Variants in ADGRL3 observed in about 807,000 individuals in gnomAD.
ADGRL3 encodes the protein calcium-independent alpha-latrotoxin receptor 3.
A neutral mutation model predicts 153.5 loss-of-function variants in ADGRL3; 62 were observed. That is an observed-to-expected ratio of 0.40 (90% confidence interval 0.33 to 0.50). ADGRL3 has a LOEUF of 0.50. Among genes scored for constraint, ADGRL3 ranks in the 20% least tolerant of loss-of-function variants. The probability of loss-of-function intolerance (pLI) is 0.47; values close to 1 mark genes in which losing one functional copy is unlikely to be tolerated. For synonymous variants in ADGRL3, 710 were observed against 672.5 expected (o/e 1.06, Z -0.86); for missense variants, 1,641 against 1,859.4 (o/e 0.88, Z 2.16).
At chr4:61,736,065 A>G (rs745743997) in intron 8 of ADGRL3, among the ~76,000 whole-genome samples, 4 of 152,092 alleles carry the variant, frequency 2.6e-5, no homozygotes, top group African/African-American at 4.8e-5. Flanking sequence ...TACTATACAT[A>G]TATGTATAAA....
intron 2 of ADGRL3, among the ~76,000 whole-genome samples, chr4:61,442,133 C>A (rs2152472974): frequency 6.6e-6 from 1 of 152,248 alleles, no homozygotes; most frequent in South Asian, 2.1e-4. Flanking sequence ...ATAAAAAAAT[C>A]ATTTTGATGA....
chr4:61,615,905 T>A (rs1237725649), intron 5 of ADGRL3, among the ~76,000 whole-genome samples: 1 of 152,146 alleles, frequency 6.6e-6, no homozygotes, highest in African/African-American at 2.4e-5. Flanking sequence ...CAAAAATTCC[T>A]TAGAGACACC....
intron 15 of ADGRL3, among the ~76,000 whole-genome samples, chr4:61,937,473 CCTCT>C (rs1240735364): frequency 6.6e-6 from 1 of 150,378 alleles, no homozygotes; most frequent in Non-Finnish European, 1.5e-5. Flanking sequence ...TGAATGGCAG[CCTCT>C]CTATCATTCA....
intron 1 of ADGRL3, among the ~76,000 whole-genome samples, chr4:61,238,878 T>G (rs924169288): frequency 6.6e-6 from 1 of 152,170 alleles, no homozygotes; most frequent in African/African-American, 2.4e-5. Context: ...AAAAAAAACT[T>G]ATTTTAGCTG....
intron 1 of ADGRL3, among the ~76,000 whole-genome samples, chr4:61,305,992 T>A (rs750152328): frequency 2.6e-5 from 4 of 152,178 alleles, no homozygotes; most frequent in Non-Finnish European, 4.4e-5. Context: ...GGAAATTCAA[T>A]TATAATGAAG....
intron 9 of ADGRL3, among the ~76,000 whole-genome samples, chr4:61,821,660 C>A (rs550253056): frequency 2.6e-5 from 4 of 152,198 alleles, no homozygotes; most frequent in African/African-American, 9.6e-5. Context: ...TACTCTGAGA[C>A]AAAGCTAATT....
At chr4:61,501,547 A>G (rs1186676865) in intron 3 of ADGRL3, among the ~76,000 whole-genome samples, 1 of 152,200 alleles carries the variant, frequency 6.6e-6, no homozygotes, top group African/African-American at 2.4e-5. Flanking sequence ...TGTTTTGCCA[A>G]ACATTTCTAA....
intron 5 of ADGRL3, among the ~76,000 whole-genome samples, chr4:61,610,039 C>G (rs2099046986): frequency 6.6e-6 from 1 of 151,578 alleles, no homozygotes; most frequent in African/African-American, 2.4e-5. Context: ...TAGTAGGACA[C>G]CCAGAGGGTT....
intron 17 of ADGRL3, among the ~76,000 whole-genome samples, chr4:61,957,001 A>G (rs187850701): frequency 2.6e-5 from 4 of 152,126 alleles, no homozygotes; most frequent in African/African-American, 7.2e-5. Flanking sequence ...CTTGCTTAGG[A>G]TTGTCTTGGC....
At chr4:61,276,336 G>A (rs537171973) in intron 1 of ADGRL3, among the ~76,000 whole-genome samples, 3 of 152,068 alleles carry the variant, frequency 2.0e-5, no homozygotes, top group African/African-American at 7.2e-5. Flanking sequence ...TGACTTCTTG[G>A]GTTTTTATGT....
At chr4:61,378,455 T>C (rs1259462885) in intron 1 of ADGRL3, among the ~76,000 whole-genome samples, 1 of 151,954 alleles carries the variant, frequency 6.6e-6, no homozygotes, top group Non-Finnish European at 1.5e-5. Context: ...TGATTTAAAG[T>C]TTACCAAGCA....
chr4:61,760,950 G>A (rs942151193), intron 8 of ADGRL3, among the ~76,000 whole-genome samples: 2 of 152,214 alleles, frequency 1.3e-5, no homozygotes, highest in African/African-American at 4.8e-5. Flanking sequence ...GGACGACTTG[G>A]TGGGGGGAAG....
At chr4:61,989,837 G>A (rs996570339) in intron 19 of ADGRL3, among the ~76,000 whole-genome samples, 1 of 151,982 alleles carries the variant, frequency 6.6e-6, no homozygotes, top group Non-Finnish European at 1.5e-5. Context: ...TAAAGATCAT[G>A]TATAATATAT....
chr4:62,004,848 A>T (rs1355211346), intron 21 of ADGRL3, among the ~76,000 whole-genome samples: 1 of 152,122 alleles, frequency 6.6e-6, no homozygotes, highest in African/African-American at 2.4e-5. Flanking sequence ...ATCATTTTTA[A>T]AGAGAATTCT....
At chr4:61,990,687 A>G (rs1024249026) in intron 19 of ADGRL3, among the ~76,000 whole-genome samples, 3 of 151,974 alleles carry the variant, frequency 2.0e-5, no homozygotes, top group African/African-American at 7.2e-5. Flanking sequence ...CATTATATAC[A>G]GCATATAAAT....
intron 5 of ADGRL3, among the ~76,000 whole-genome samples, chr4:61,654,317 C>G (rs2094373285): frequency 6.6e-6 from 1 of 151,782 alleles, no homozygotes; most frequent in African/African-American, 2.4e-5. Flanking sequence ...AAAAATTTTA[C>G]AAAACTCTAT....
chr4:61,596,670 T>C (rs748172066), intron 5 of ADGRL3, among the ~76,000 whole-genome samples: 2 of 152,130 alleles, frequency 1.3e-5, no homozygotes, highest in Non-Finnish European at 2.9e-5. Context: ...CTGGGCAACA[T>C]GGTGAGACCT....
intron 2 of ADGRL3, 145 bp downstream of exon 2, chr4:61,383,334 T>G (rs1464735511): frequency 6.6e-6 from 1 of 151,796 alleles, no homozygotes; most frequent in Non-Finnish European, 1.5e-5. Flanking sequence ...GAATTTTACA[T>G]ATTTTTGGAA....
In ADGRL3 at chr4:61,838,708, G is replaced by A. The variant is rs780399946; in HGVS notation, c.1480+24819G>A. Reference sequence around the variant, plus strand: ...TCATAAGAAAAATCATAATTTCTCCGGTTGAAAGTAAAAATGGTCTATGCC... The same window carrying A: ...TCATAAGAAAAATCATAATTTCTCCAGTTGAAAGTAAAAATGGTCTATGCC... On this transcript the variant is annotated intron_variant, in intron 9 of 26. Transcript: ENST00000683033. 5.6e-4 allele frequency among the ~76,000 whole-genome samples: 85 copies of A among 152,138 alleles called. 1 individual carries two copies. Among genetic ancestry groups the A allele is most frequent in the Admixed American group, 3.9e-4 (6 of 15,270 alleles).
Sources: gnomAD v4.1 joint callset for allele counts (sites outside exome capture counted in the v4.1 genomes callset) on GRCh38, gnomAD v4.1.1 for gene constraint, MANE v1.5 for transcripts, NCBI Gene and HGNC (gene_info 2026-07-23, HGNC 2026-07-21) for gene names.